Variants in KCNK2 observed in about 807,000 individuals in gnomAD.
KCNK2 encodes the protein potassium two pore domain channel subfamily K member 2.
In KCNK2, 21 loss-of-function variants were observed where a neutral mutation model predicts 40.5. The observed-to-expected ratio is 0.52, with a 90% CI of 0.37 to 0.75. The LOEUF (loss-of-function observed/expected upper bound fraction) is 0.75. KCNK2 is among the 30% of genes least tolerant of loss of function. KCNK2 has a pLI of 0.00. For synonymous variants in KCNK2, 191 were observed against 202.2 expected (o/e 0.94, Z 0.47); for missense variants, 399 against 531.6 (o/e 0.75, Z 2.45).
intron 2 of KCNK2, among the ~76,000 whole-genome samples, chr1:215,106,074 A>G (rs1485826015): frequency 6.6e-6 from 1 of 152,106 alleles, no homozygotes; most frequent in Non-Finnish European, 1.5e-5. Flanking sequence ...TCTTTTTGGT[A>G]GAATGATTAT....
chr1:215,149,032 C>G (rs893016553), intron 3 of KCNK2, among the ~76,000 whole-genome samples: 1 of 152,050 alleles, frequency 6.6e-6, no homozygotes, highest in South Asian at 2.1e-4. Flanking sequence ...ATGATTTGTG[C>G]TGAACGATTT....
intron 6 of KCNK2, among the ~76,000 whole-genome samples, chr1:215,215,944 T>C (rs1195719850): frequency 5.3e-5 from 8 of 152,190 alleles, no homozygotes; most frequent in African/African-American, 1.7e-4. Flanking sequence ...CTTTTCTTCC[T>C]GTTTCTTAGG....
chr1:215,053,225 A>G lies in KCNK2; in HGVS notation c.35-33143A>G, dbSNP rs551192401. Among the ~76,000 whole-genome samples, 12 of 152,296 alleles carry G rather than the reference A, an allele frequency of 7.9e-5. No individual in the cohort carries two copies. The South Asian group carries it at 2.5e-3, about 32-fold the overall frequency. On this transcript the variant is annotated intron_variant, in intron 1 of 6. Transcript: ENST00000391895. ...AGTCCATGGAAAGACATGAAAACCA[A>G]ACTCTCAGAAGGGAATGCTACATGT...
At chr1:215,224,169 T>C (rs985775828) in intron 6 of KCNK2, among the ~76,000 whole-genome samples, 3 of 152,150 alleles carry the variant, frequency 2.0e-5, no homozygotes, top group Non-Finnish European at 2.9e-5. Context: ...TTATCTAAAA[T>C]TGGAGAACCT....
chr1:215,103,634 T>C (rs1218240922), intron 2 of KCNK2, among the ~76,000 whole-genome samples: 1 of 152,078 alleles, frequency 6.6e-6, no homozygotes, highest in Non-Finnish European at 1.5e-5. Flanking sequence ...TTCATGAGGG[T>C]AATTTAAAAT....
chr1:215,155,238 T>A (rs1662864228), intron 3 of KCNK2, among the ~76,000 whole-genome samples: 1 of 152,158 alleles, frequency 6.6e-6, no homozygotes, highest in South Asian at 2.1e-4. Flanking sequence ...AATATTAAAT[T>A]CATTTACATA....
chr1:215,172,060 T>C lies in KCNK2; in HGVS notation c.700T>C (p.Cys234Arg). 1 of 1,613,558 alleles carries C rather than the reference T, an allele frequency of 6.2e-7. No individual in the cohort carries two copies. The highest frequency in any genetic ancestry group is 8.5e-7 in the Non-Finnish European group (1 of 1,179,686). ...AACAATCATATTTATACTATTTGGC[T>C]GTGTACTCTTTGTGGCTCTGCCTGC... ...ISTIIFILFG[C>R]VLFVALPAII... The change falls in exon 5 of 7, where the codon TGT becomes CGT. Residue 234 changes from cysteine (C) to arginine (R), a missense_variant. By Grantham distance (180) the Cys-to-Arg change is radical. Coordinates refer to ENST00000444842, the MANE Select transcript of KCNK2 (RefSeq NM_001017425.3).
At chr1:215,122,814 C>T (rs1237512300) in intron 2 of KCNK2, among the ~76,000 whole-genome samples, 5 of 143,222 alleles carry the variant, frequency 3.5e-5, no homozygotes, top group South Asian at 2.2e-4. Context: ...GGCACAATCT[C>T]GGCTCACTGC....
At chr1:215,148,080 CTTTT>C (rs756218432) in intron 3 of KCNK2, among the ~76,000 whole-genome samples, 20 of 111,150 alleles carry the variant, frequency 1.8e-4, no homozygotes, top group African/African-American at 7.1e-4. Context: ...TTTTCTTTTC[CTTTT>C]TTTTTTTTTT....
intron 3 of KCNK2, among the ~76,000 whole-genome samples, chr1:215,143,448 A>G (rs1002366922): frequency 1.3e-5 from 2 of 152,130 alleles, no homozygotes; most frequent in African/African-American, 4.8e-5. Context: ...TGCCTTTTGT[A>G]TGGTCTCTTG....
At chr1:215,122,740 C>CTTTTT (rs564207038) in intron 2 of KCNK2, among the ~76,000 whole-genome samples, 15 of 120,352 alleles carry the variant, frequency 1.2e-4, no homozygotes, top group East Asian at 2.4e-4. Context: ...CATTCATAAT[C>CTTTTT]TTTTTTTTTT....
intron 5 of KCNK2, among the ~76,000 whole-genome samples, chr1:215,176,834 A>G (rs1663999654): frequency 6.6e-6 from 1 of 152,184 alleles, no homozygotes; most frequent in Admixed American, 6.5e-5. Flanking sequence ...AATGATTTAT[A>G]TTCCTTTGGG....
intron 1 of KCNK2, among the ~76,000 whole-genome samples, chr1:215,061,244 T>A (rs1353271108): frequency 6.6e-6 from 1 of 152,150 alleles, no homozygotes; most frequent in Non-Finnish European, 1.5e-5. Context: ...CCACCAAGTA[T>A]CAACTTCAAA....
At chr1:215,084,182 G>GCGCACA (rs754530200) in intron 1 of KCNK2, among the ~76,000 whole-genome samples, 4 of 141,862 alleles carry the variant, frequency 2.8e-5, no homozygotes, top group Non-Finnish European at 4.6e-5. Context: ...TTAGGTTAAT[G>GCGCACA]CACACACACA....
chr1:215,031,464 T>TG (rs1657186108), intron 1 of KCNK2, among the ~76,000 whole-genome samples: 2 of 152,210 alleles, frequency 1.3e-5, no homozygotes, highest in South Asian at 4.1e-4. Flanking sequence ...CTAAATATTT[T>TG]GGGGTGCTAA....
chr1:215,208,251 G>T (rs865954692), intron 6 of KCNK2, among the ~76,000 whole-genome samples: 2 of 152,056 alleles, frequency 1.3e-5, no homozygotes, highest in Non-Finnish European at 2.9e-5. Flanking sequence ...GCAAACTAAC[G>T]CAGGAACAGA....
intron 3 of KCNK2, among the ~76,000 whole-genome samples, chr1:215,161,872 T>G (rs1663212192): frequency 1.3e-5 from 2 of 152,226 alleles, no homozygotes; most frequent in Non-Finnish European, 2.9e-5. Flanking sequence ...TTGTGAATAG[T>G]GCTGCAATAA....
chr1:215,195,363 C>T (rs202146353), intron 6 of KCNK2, among the ~76,000 whole-genome samples: 1 of 148,706 alleles, frequency 6.7e-6, no homozygotes. Context: ...TTCATTATTT[C>T]TTTTTTTTTT....
At chr1:215,005,921 A>C (rs749435660) in exon 1 of KCNK2, 1 of 1,613,314 alleles carries the variant, frequency 6.2e-7, no homozygotes, top group South Asian at 1.1e-5. Context: ...AACATCACCA[A>C]ATGATGAACC....
Sources: allele counts gnomAD v4.1 joint callset (sites outside exome capture counted in the v4.1 genomes callset), GRCh38; gene constraint gnomAD v4.1.1; transcripts MANE v1.5; gene names NCBI Gene and HGNC (gene_info 2026-07-23, HGNC 2026-07-21).